Variants in BCR observed in about 807,000 individuals in gnomAD.
BCR encodes BCR activator of RhoGEF and GTPase.
Under a neutral mutation model 138.6 loss-of-function variants are expected in BCR, and 58 were observed. The ratio of observed to expected loss-of-function variants is 0.42; its 90% CI spans 0.34 to 0.52. BCR has a LOEUF of 0.52. BCR is among the 20% of genes least tolerant of loss of function. The pLI, the probability that BCR is intolerant of heterozygous loss-of-function variation, is 0.06. For missense variants in BCR, 1,599 were observed against 1,727.2 expected, an observed-to-expected ratio of 0.93 and a Z score of 1.32; for synonymous variants, 786 against 730.1, an observed-to-expected ratio of 1.08 and a Z score of -1.23.
chr22:23,278,144 C>T (rs1602095950), intron 8 of BCR, among the ~76,000 whole-genome samples: 1 of 152,232 alleles, frequency 6.6e-6, no homozygotes, highest in East Asian at 1.9e-4. Context: ...TACTCGGAGC[C>T]TTGGCACCAC....
chr22:23,285,277 C>T lies in BCR; in HGVS notation c.2406+76C>T, dbSNP rs575085147. 110 of 1,476,110 alleles carry T rather than the reference C, an allele frequency of 7.5e-5. 1 individual carries two copies. The Admixed American group carries it at 2.0e-3, about 26-fold the overall frequency. The allele number at this position is 1,476,110 out of a possible 1,614,324, so 91.4% of individuals were successfully genotyped here. A position where few individuals can be genotyped will look rare whatever the true frequency, so the allele number is the denominator to read the frequency against. On this transcript the variant is annotated intron_variant, in intron 10 of 22. Coordinates refer to ENST00000305877, the MANE Select transcript of BCR (RefSeq NM_004327.4). Reference sequence around the variant, plus strand: ...AGCCCCCGCACACGGCCAGTGGGTGCTTTCTCCGTCAGGCCTCTGGGCCCC... The same window carrying T: ...AGCCCCCGCACACGGCCAGTGGGTGTTTTCTCCGTCAGGCCTCTGGGCCCC...
chr22:23,250,167 C>T (rs1018296600), intron 1 of BCR, among the ~76,000 whole-genome samples: 19 of 152,190 alleles, frequency 1.2e-4, no homozygotes, highest in Admixed American at 1.0e-3. Context: ...AGCCCTGGGA[C>T]CCCGAATCTG....
At chr22:23,246,272 A>T (rs998725221) in intron 1 of BCR, among the ~76,000 whole-genome samples, 2 of 152,184 alleles carry the variant, frequency 1.3e-5, no homozygotes, top group Non-Finnish European at 2.9e-5. Flanking sequence ...CAAAAAGAAA[A>T]AAAAAATTAT....
intron 1 of BCR, among the ~76,000 whole-genome samples, chr22:23,234,019 G>A (rs995115496): frequency 1.3e-5 from 2 of 152,056 alleles, no homozygotes; most frequent in African/African-American, 4.8e-5. Context: ...TGTATACCCT[G>A]CAGATGTGAT....
chr22:23,222,082 C>A (rs1010957691), intron 1 of BCR, among the ~76,000 whole-genome samples: 1 of 151,692 alleles, frequency 6.6e-6, no homozygotes, highest in African/African-American at 2.4e-5. Context: ...CAGAGTGAGA[C>A]TCTGTCTCAA....
chr22:23,230,618 G>A (rs2072946852), intron 1 of BCR, among the ~76,000 whole-genome samples: 1 of 152,234 alleles, frequency 6.6e-6, no homozygotes, highest in Non-Finnish European at 1.5e-5. Flanking sequence ...TGTCTGCTTT[G>A]CTTCAGACCC....
intron 1 of BCR, 33 bp downstream of exon 1, chr22:23,182,272 C>G (rs1315810958): frequency 6.6e-6 from 10 of 1,503,988 alleles, no homozygotes; most frequent in Non-Finnish European, 8.9e-6. Flanking sequence ...GTGGGCACAC[C>G]TGCACGGGGG....
Position 23,288,292 on chromosome 22 carries a change from A to G in BCR, c.2602+120A>G, listed in dbSNP as rs1340573449. ...GGGTTTTATCCAAGTGAAGTGTTGC[A>G]TGGAGGGCTAATTTAGAAAAGAAGT... On this transcript the variant is annotated intron_variant, in intron 12 of 22. Transcript: ENST00000305877. 7 of 1,007,474 alleles carry G rather than the reference A, an allele frequency of 6.9e-6. No homozygotes were observed. The African/African-American group carries it at 9.6e-5, about 14-fold the overall frequency. The allele number at this position is 1,007,474 out of a possible 1,614,324, so 62.4% of individuals were successfully genotyped here.
At chr22:23,279,041 AGTG>A (rs1328457598) in intron 8 of BCR, among the ~76,000 whole-genome samples, 1 of 152,190 alleles carries the variant, frequency 6.6e-6, no homozygotes, top group African/African-American at 2.4e-5. Flanking sequence ...TTCTCCAGGA[AGTG>A]GTGGAGCTGG....
At chr22:23,208,149 C>G (rs749643447) in intron 1 of BCR, among the ~76,000 whole-genome samples, 8 of 152,198 alleles carry the variant, frequency 5.3e-5, no homozygotes, top group Non-Finnish European at 8.8e-5. Context: ...GTTGGTACCC[C>G]GTGAGGCTTG....
rs754517241 is a variant in BCR, at chr22:23,314,602, C to T, written c.3614C>T (p.Thr1205Met). Residue 1205 changes from threonine to methionine, a missense_variant, in exon 22 of 23, where the codon ACG becomes ATG. Coordinates refer to ENST00000305877, the MANE Select transcript of BCR (RefSeq NM_004327.4). ...AAGATGTCCCTGCACAACCTCGCCA[C>T]GGTCTTTGGCCCCACGCTGCTCCGG... ...VNKMSLHNLA[T>M]VFGPTLLRPS... The T allele has an allele frequency of 1.9e-5, 30 of 1,611,902 alleles. No homozygotes were observed. Among genetic ancestry groups the T allele is most frequent in the South Asian group, 3.3e-5 (3 of 90,990 alleles).
At chr22:23,268,110 T>C (rs2073465756) in intron 4 of BCR, among the ~76,000 whole-genome samples, 1 of 152,196 alleles carries the variant, frequency 6.6e-6, no homozygotes, top group Non-Finnish European at 1.5e-5. Flanking sequence ...CAGCTGCCGC[T>C]CATGGCACCA....
intron 1 of BCR, among the ~76,000 whole-genome samples, chr22:23,245,093 T>G (rs2073141295): frequency 6.6e-6 from 1 of 152,192 alleles, no homozygotes; most frequent in African/African-American, 2.4e-5. Flanking sequence ...AAAGTTGACC[T>G]TCTGGTGATT....
At position 23,257,931 on chromosome 22, in the gene BCR, A is replaced by C. The variant is rs553814989; in HGVS notation, c.1462-3019A>C. ...GATCCACTCATTGATTTATTAAATG[A>C]ATCTTAATTGAGCACCTGGGTGTTC... On this transcript the variant is annotated intron_variant, in intron 2 of 22. Transcript: ENST00000305877. Among the ~76,000 whole-genome samples the C allele has an allele frequency of 7.2e-5, 11 of 152,334 alleles. No homozygotes were observed. In the South Asian group the frequency reaches 2.3e-3, roughly 32 times the overall value.
intron 1 of BCR, among the ~76,000 whole-genome samples, chr22:23,207,908 C>T (rs78475229): frequency 0.068 from 10,327 of 152,214 alleles, 1,175 homozygotes; most frequent in African/African-American, 0.23. Context: ...CAGTGCCCTA[C>T]ACCCCGTGTG....
intron 1 of BCR, among the ~76,000 whole-genome samples, chr22:23,222,130 G>A (rs780562656): frequency 6.6e-5 from 10 of 151,990 alleles, no homozygotes; most frequent in East Asian, 1.9e-4. Context: ...AGCCCTCCCC[G>A]TCTTCTCACC....
intron 1 of BCR, among the ~76,000 whole-genome samples, chr22:23,197,401 A>G (rs936688119): frequency 6.6e-6 from 1 of 152,206 alleles, no homozygotes; most frequent in South Asian, 2.1e-4. Context: ...AATAAAATAT[A>G]AATGCTTTGT....
chr22:23,230,324 C>G (rs2072942526), intron 1 of BCR, among the ~76,000 whole-genome samples: 1 of 152,198 alleles, frequency 6.6e-6, no homozygotes, highest in South Asian at 2.1e-4. Context: ...CCAACTTCTA[C>G]ATTTAGACGT....
chr22:23,299,255 A>G (rs947423221), intron 16 of BCR, among the ~76,000 whole-genome samples: 7 of 152,164 alleles, frequency 4.6e-5, no homozygotes, highest in Non-Finnish European at 1.0e-4. Context: ...AAGTGCTGGG[A>G]TTACAGGCGT....
Sources: allele counts gnomAD v4.1 joint callset (sites outside exome capture counted in the v4.1 genomes callset), GRCh38; gene constraint gnomAD v4.1.1; transcripts MANE v1.5; gene names NCBI Gene and HGNC (gene_info 2026-07-23, HGNC 2026-07-21).